MIX23: variants seen among roughly 807,000 people sequenced by gnomAD.
The protein encoded by MIX23 is mitochondrial matrix import factor 23.
Under a neutral mutation model 21.6 loss-of-function variants are expected in MIX23, and 13 were observed. The ratio of observed to expected loss-of-function variants is 0.60; its 90% confidence interval spans 0.39 to 0.96. The LOEUF (loss-of-function observed/expected upper bound fraction) is 0.96, where lower values mean the gene tolerates loss of function less well. MIX23 is among the 40% of genes least tolerant of loss of function. The pLI, the probability that MIX23 is intolerant of heterozygous loss-of-function variation, is 0.00. For missense variants in MIX23, 144 were observed against 171.2 expected (o/e 0.84, Z 0.89); for synonymous variants, 59 against 58.0 (o/e 1.02, Z -0.08).
At chr3:122,370,225 G>A (rs946523454) in intron 2 of MIX23, among the ~76,000 whole-genome samples, 1 of 152,116 alleles carries the variant, frequency 6.6e-6, no homozygotes, top group Admixed American at 6.5e-5. Context: ...GCCAAGGCGG[G>A]TGGATCACTT....
At chr3:122,365,477 GA>G (rs1309471813) in intron 3 of MIX23, 17 of 149,654 alleles carry the variant, frequency 1.1e-4, no homozygotes, top group Admixed American at 4.0e-4. Context: ...CTTGAAAATT[GA>G]AAAAAAAAAT....
chr3:122,362,973 A>G lies in MIX23; in HGVS notation c.379T>C (p.Trp127Arg). 6.2e-7 allele frequency: 1 copy of G among 1,612,992 alleles called. No individual in the cohort carries two copies. Among genetic ancestry groups the G allele is most frequent in the Non-Finnish European group, 8.5e-7 (1 of 1,179,268 alleles). Residue 127 changes from tryptophan (W) to arginine (R), a missense_variant, in exon 4 of 5, where the codon TGG becomes CGG. Transcript: ENST00000291458. ...ACACCAACATTATTTTATACCTTCCAGCTCCTGTCATTTACCACTTCTTCA... is the reference window on the plus strand; with the variant it reads ...ACACCAACATTATTTTATACCTTCCGGCTCCTGTCATTTACCACTTCTTCA... The part of the protein sequence containing the change: ...NVEEVVNDRS[W>R]KVFNERCRIH...
At chr3:122,373,230 C>T (rs73186096) in intron 1 of MIX23, among the ~76,000 whole-genome samples, 1,844 of 151,832 alleles carry the variant, frequency 0.012, 17 homozygotes, top group Non-Finnish European at 0.02. Flanking sequence ...GGCTTCAAGA[C>T]ATTATATTAT....
Position 122,363,005 on chromosome 3 carries a change from A to G in MIX23, c.347T>C (p.Leu116Pro). The G allele has an allele frequency of 6.2e-7, 1 of 1,612,694 alleles. No individual in the cohort carries two copies. The highest frequency in any genetic ancestry group is 1.3e-5 in the African/African-American group (1 of 74,892). Residue 116 changes from leucine to proline, a missense_variant, in exon 4 of 5, where the codon CTG becomes CCG. Transcript: ENST00000291458. The part of the protein sequence containing the change: ...QTKLKWMQSE[L>P]NVEEVVNDRS... ...GTCATTTACCACTTCTTCAACATTC[A>G]GTTCTGACTGCATCCATTTCAACTG...
chr3:122,368,417 C>A, intron 2 of MIX23, 95 bp from the exon 3 acceptor site: 1 of 1,220,834 alleles, frequency 8.2e-7, no homozygotes, highest in Non-Finnish European at 1.1e-6. Flanking sequence ...TATAGAAATT[C>A]AATACTTTCT....
At chr3:122,374,319 C>A (rs1339052395) in intron 1 of MIX23, among the ~76,000 whole-genome samples, 1 of 152,056 alleles carries the variant, frequency 6.6e-6, no homozygotes, top group Admixed American at 6.5e-5. Context: ...TTAACTCATT[C>A]TTCATATAAT....
intron 2 of MIX23, among the ~76,000 whole-genome samples, chr3:122,370,064 A>G (rs890970358): frequency 5.9e-5 from 9 of 152,196 alleles, no homozygotes; most frequent in Non-Finnish European, 1.3e-4. Context: ...ATATTTGTAT[A>G]CAAAACACTT....
At chr3:122,364,947 G>C (rs1434254192) in intron 3 of MIX23, among the ~76,000 whole-genome samples, 1 of 152,102 alleles carries the variant, frequency 6.6e-6, no homozygotes, top group Admixed American at 6.6e-5. Context: ...AAGCCACCAA[G>C]GTAGGTGGGA....
chr3:122,383,162 A>C lies in MIX23; in HGVS notation c.51+12T>G, dbSNP rs2075549473. ...GAGGCACATGCCTGCCACATGAGGAAAACCCCATCACCTGGAACTCGGCGA... is the reference window on the plus strand; with the variant it reads ...GAGGCACATGCCTGCCACATGAGGACAACCCCATCACCTGGAACTCGGCGA... On this transcript the variant is annotated intron_variant, in intron 1 of 4. Transcript: ENST00000291458. The C allele has an allele frequency of 6.2e-7, 1 of 1,613,898 alleles. No individual in the cohort carries two copies. Among genetic ancestry groups the C allele is most frequent in the Admixed American group, 1.7e-5 (1 of 60,010 alleles).
At chr3:122,374,600 T>C (rs1224617495) in intron 1 of MIX23, among the ~76,000 whole-genome samples, 8 of 152,212 alleles carry the variant, frequency 5.3e-5, no homozygotes, top group Admixed American at 5.2e-4. Flanking sequence ...AACTTTTTTT[T>C]CAACTATCTT....
intron 4 of MIX23, among the ~76,000 whole-genome samples, chr3:122,361,844 C>T (rs1165824916): frequency 6.6e-6 from 1 of 152,058 alleles, no homozygotes; most frequent in East Asian, 1.9e-4. Context: ...GCAAAGAAAG[C>T]CAATTTGTAT....
chr3:122,364,246 T>C (rs752775172), intron 3 of MIX23, among the ~76,000 whole-genome samples: 10 of 152,220 alleles, frequency 6.6e-5, no homozygotes, highest in Non-Finnish European at 1.2e-4. Context: ...CCTGTACATA[T>C]GGCTAGAACT....
chr3:122,383,207 G>A lies in MIX23; in HGVS notation c.18C>T (p.Gly6=), dbSNP rs567371879. The A allele has an allele frequency of 2.5e-6, 4 of 1,612,998 alleles. No homozygotes were observed. Among genetic ancestry groups the A allele is most frequent in the Non-Finnish European group, 3.4e-6 (4 of 1,180,026 alleles). ...CGGCGAACTCCTCACAGTTCACACC[G>A]CCACTGGGCGCCGCCATATTGGACA... is the stretch of plus-strand genomic sequence containing the variant. MAAPS[G]GVNCEEFAEF... Residue 6 remains glycine (G), a synonymous_variant, in exon 1 of 5, where the codon GGC becomes GGT. Transcript: ENST00000291458.
At chr3:122,381,036 T>C (rs1356464259) in intron 1 of MIX23, among the ~76,000 whole-genome samples, 4 of 152,238 alleles carry the variant, frequency 2.6e-5, no homozygotes, top group Non-Finnish European at 4.4e-5. Flanking sequence ...TAATGTGTTC[T>C]AGCAATACTG....
chr3:122,363,073 A>C (rs780803764), intron 3 of MIX23, 46 bp from the exon 4 acceptor site: 2 of 1,502,642 alleles, frequency 1.3e-6, no homozygotes, highest in Non-Finnish European at 1.8e-6. Flanking sequence ...AAAGAGCAAG[A>C]AAAAAAACTG....
chr3:122,373,471 AC>A (rs1422360201), intron 1 of MIX23, among the ~76,000 whole-genome samples: 2 of 152,076 alleles, frequency 1.3e-5, no homozygotes, highest in African/African-American at 4.8e-5. Flanking sequence ...AGAGGGTTTC[AC>A]CACATGGCCC....
intron 4 of MIX23, among the ~76,000 whole-genome samples, chr3:122,361,034 G>A (rs1267156685): frequency 6.6e-6 from 1 of 151,962 alleles, no homozygotes; most frequent in Non-Finnish European, 1.5e-5. Flanking sequence ...TAGTAGAGAC[G>A]GGGTTTCACC....
chr3:122,377,099 T>C (rs772471467), intron 1 of MIX23, among the ~76,000 whole-genome samples: 37 of 152,226 alleles, frequency 2.4e-4, no homozygotes, highest in Admixed American at 5.9e-4. Flanking sequence ...GAGAATTGCT[T>C]GAACCCAGCA....
Position 122,362,987 on chromosome 3 carries a change from A to C in MIX23, c.365T>G (p.Val122Gly). Residue 122 changes from valine to glycine, a missense_variant, in exon 4 of 5, where the codon GTA (valine) becomes GGA (glycine). Val to Gly is a moderately radical substitution (Grantham distance 109, BLOSUM62 -3). Transcript: ENST00000291458. ...TTATACCTTCCAGCTCCTGTCATTT[A>C]CCACTTCTTCAACATTCAGTTCTGA... ...MQSELNVEEV[V>G]NDRSWKVFNE... is the part of the protein sequence containing the mutation. 3 of 1,613,280 alleles carry C rather than the reference A, an allele frequency of 1.9e-6. No individual in the cohort carries two copies. The highest frequency in any genetic ancestry group is 2.5e-6 in the Non-Finnish European group (3 of 1,179,578).
Sources: gnomAD v4.1 joint callset for allele counts (sites outside exome capture counted in the v4.1 genomes callset) on GRCh38, gnomAD v4.1.1 for gene constraint, MANE v1.5 for transcripts, NCBI Gene and HGNC (gene_info 2026-07-23, HGNC 2026-07-21) for gene names.